ZNF75A: variants seen among roughly 807,000 people sequenced by gnomAD.
The protein encoded by ZNF75A is zinc finger protein 75A.
Under a neutral mutation model 46.3 loss-of-function variants are expected in ZNF75A, and 36 were observed. The ratio of observed to expected loss-of-function variants is 0.78; its 90% confidence interval spans 0.60 to 1.03. The LOEUF is 1.03. Ranked by LOEUF, ZNF75A falls within the 50% of genes least tolerant of loss-of-function variation. ZNF75A has a pLI of 0.00. For synonymous variants in ZNF75A, 234 were observed against 189.9 expected, an observed-to-expected ratio of 1.23 and a Z score of -1.91; for missense variants, 595 against 551.3, an observed-to-expected ratio of 1.08 and a Z score of -0.79.
At chr16:3,320,308 T>C (rs1236197514), downstream of ZNF75A, among the ~76,000 whole-genome samples, 1 of 152,238 alleles carries the variant, frequency 6.6e-6, no homozygotes, top group Non-Finnish European at 1.5e-5. Flanking sequence ...CCTCCCAAAG[T>C]GCCGGGATTA....
At chr16:3,306,222 C>G (rs574288557) in intron 1 of ZNF75A, 1 of 152,240 alleles carries the variant, frequency 6.6e-6, no homozygotes, top group African/African-American at 2.4e-5. Context: ...TCTAAATGAC[C>G]TTTGGAGAAA....
intron 2 of ZNF75A, among the ~76,000 whole-genome samples, chr16:3,309,930 GAAAA>G (rs113640369): frequency 7.1e-6 from 1 of 140,534 alleles, no homozygotes; most frequent in Admixed American, 7.1e-5. Context: ...TTGTTGCTAT[GAAAA>G]AAAAAAAGAA....
chr16:3,322,584 G>C (rs1045895506), downstream of ZNF75A, among the ~76,000 whole-genome samples: 4 of 152,190 alleles, frequency 2.6e-5, no homozygotes, highest in Non-Finnish European at 5.9e-5. Context: ...AAAACTATCT[G>C]AATCACTTTT....
Position 3,305,657 on chromosome 16 carries a change from G to C in ZNF75A, c.-117+14G>C, listed in dbSNP as rs914739076. 1 of 152,218 alleles carries C rather than the reference G, an allele frequency of 6.6e-6. No individual in the cohort carries two copies. The highest frequency in any genetic ancestry group is 1.5e-5 in the Non-Finnish European group (1 of 68,030). 9.4% of individuals were successfully genotyped at this position (152,218 alleles called of 1,614,324 possible). ...AAGCTGGCCGAGGTAACCGAGAAGC[G>C]GCTTCCCCTATGGCTTCGACCCTGG... On this transcript the variant is annotated intron_variant, in intron 1 of 6. Transcript: ENST00000669516.
downstream of ZNF75A, chr16:3,323,096 T>C (rs1194322940): frequency 7.6e-6 from 4 of 524,556 alleles, no homozygotes; most frequent in African/African-American, 5.9e-5. Context: ...AAATAGTCTT[T>C]GAAGATACTT....
At chr16:3,319,298 A>G (rs933816177), downstream of ZNF75A, among the ~76,000 whole-genome samples, 2 of 152,108 alleles carry the variant, frequency 1.3e-5, no homozygotes, top group African/African-American at 4.8e-5. Flanking sequence ...TATTTTTAGT[A>G]GAGACGGGGT....
At chr16:3,311,342 G>C (rs567983549) in intron 2 of ZNF75A, among the ~76,000 whole-genome samples, 31 of 152,026 alleles carry the variant, frequency 2.0e-4, no homozygotes, top group African/African-American at 6.8e-4. Context: ...GAAGGCTGAG[G>C]CAGGAGAATC....
At chr16:3,319,537 T>G (rs192857908), downstream of ZNF75A, among the ~76,000 whole-genome samples, 4 of 152,328 alleles carry the variant, frequency 2.6e-5, no homozygotes, top group Admixed American at 2.0e-4. Context: ...TGTGTGGCTT[T>G]CTTTCTGGCC....
chr16:3,313,651 C>A (rs1960980802), intron 5 of ZNF75A, among the ~76,000 whole-genome samples: 1 of 152,226 alleles, frequency 6.6e-6, no homozygotes, highest in African/African-American at 2.4e-5. Flanking sequence ...ACATGCGTAG[C>A]TTTTTAACAG....
rs985784779 is a variant in ZNF75A, at chr16:3,305,630, C to T, written c.-130C>T. On this transcript the variant is annotated 5_prime_UTR_variant, in exon 1 of 7. Coordinates refer to ENST00000669516, the MANE Select transcript of ZNF75A (RefSeq NM_001302109.2). The stretch of plus-strand genomic sequence containing the variant: ...AAGCGAGGAGCGGCCTCCACGGAAG[C>T]CAAGCTGGCCGAGGTAACCGAGAAG... 2.6e-5 allele frequency: 4 copies of T among 152,248 alleles called. No individual in the cohort carries two copies. The highest frequency in any genetic ancestry group is 5.9e-5 in the Non-Finnish European group (4 of 68,060). The allele number at this position is 152,248 out of a possible 1,614,324, so 9.4% of individuals were successfully genotyped here.
intron 4 of ZNF75A, 43 bp from the exon 5 acceptor site, chr16:3,313,006 G>A (rs2150815417): frequency 6.3e-7 from 1 of 1,586,194 alleles, no homozygotes; most frequent in Non-Finnish European, 8.6e-7. Context: ...GGCTGCTTCT[G>A]TACAGTGGCA....
At chr16:3,323,001 A>G (rs759851031), downstream of ZNF75A, 79 of 874,358 alleles carry the variant, frequency 9.0e-5, no homozygotes, top group Non-Finnish European at 1.0e-4. Flanking sequence ...TTGGAACTGG[A>G]CTGTGATGAG....
intron 2 of ZNF75A, chr16:3,311,030 A>G: frequency 3.8e-6 from 3 of 786,230 alleles, no homozygotes; most frequent in Non-Finnish European, 4.6e-6. Flanking sequence ...AATCAGGCTG[A>G]CAGGAAAACT....
intron 1 of ZNF75A, chr16:3,307,966 T>C (rs569573782): frequency 6.6e-6 from 1 of 152,312 alleles, no homozygotes; most frequent in African/African-American, 2.4e-5. Flanking sequence ...CCTAATCTTA[T>C]TTTCTCCTAT....
chr16:3,320,426 C>T (rs1005165154), downstream of ZNF75A, among the ~76,000 whole-genome samples: 9 of 152,202 alleles, frequency 5.9e-5, no homozygotes, highest in African/African-American at 2.2e-4. Flanking sequence ...TTTCCATTTT[C>T]ATTCTGCCTA....
chr16:3,318,938 C>A, downstream of ZNF75A: 2 of 725,236 alleles, frequency 2.8e-6, no homozygotes, highest in Non-Finnish European at 3.4e-6. Flanking sequence ...TTCTTTCCAG[C>A]ACAGCATTTA....
Position 3,318,808 on chromosome 16 carries a change from G to A in ZNF75A, c.*939G>A, listed in dbSNP as rs1233846391. On this transcript the variant is annotated 3_prime_UTR_variant, in exon 7 of 7. Transcript: ENST00000669516. ...TTTGGCATGGAGACCTGGACATGTA[G>A]TCAGCAGGAGACGGTTCCCTAAATA... The A allele has an allele frequency of 1.0e-6, 1 of 985,474 alleles. No homozygotes were observed. Among genetic ancestry groups the A allele is most frequent in the Non-Finnish European group, 1.2e-6 (1 of 829,952 alleles). The allele number at this position is 985,474 out of a possible 1,614,324, so 61.0% of individuals were successfully genotyped here. A position where few individuals can be genotyped will look rare whatever the true frequency, so the allele number is the denominator to read the frequency against.
At chr16:3,316,874 A>C (rs1255809521) in intron 5 of ZNF75A, 38 bp from the exon 6 acceptor site, 3 of 1,432,782 alleles carry the variant, frequency 2.1e-6, no homozygotes, top group Non-Finnish European at 2.9e-6. Context: ...TTCACTGTTA[A>C]GTTACCAGTC....
chr16:3,316,901 C>T lies in ZNF75A; in HGVS notation c.824-11C>T, dbSNP rs1285299188. 1 of 1,596,812 alleles carries T rather than the reference C, an allele frequency of 6.3e-7. No homozygotes were observed. The highest frequency in any genetic ancestry group is 1.1e-5 in the South Asian group (1 of 89,460). ...TTACCAGTCCTTGACCTCATTTTGT[C>T]CATTTGACAGCATTGTTTGTGCTCC... On this transcript the variant is annotated splice_polypyrimidine_tract_variant and intron_variant, in intron 5 of 6. Coordinates refer to ENST00000669516, the MANE Select transcript of ZNF75A (RefSeq NM_001302109.2).
Sources: allele counts gnomAD v4.1 joint callset (sites outside exome capture counted in the v4.1 genomes callset), GRCh38; gene constraint gnomAD v4.1.1; transcripts MANE v1.5; gene names NCBI Gene and HGNC (gene_info 2026-07-23, HGNC 2026-07-21).